Variants in MTHFD2L observed in about 807,000 individuals in gnomAD.
MTHFD2L encodes the protein methylenetetrahydrofolate dehydrogenase (NADP+ dependent) 2 like, also known as bifunctional methylenetetrahydrofolate dehydrogenase/cyclohydrolase 2, mitochondrial.
In MTHFD2L, 29 loss-of-function variants were observed where a neutral mutation model predicts 34.9. The ratio of observed to expected loss-of-function variants is 0.83; its 90% CI spans 0.62 to 1.13. The LOEUF (loss-of-function observed/expected upper bound fraction) is 1.13. Ranked by LOEUF, MTHFD2L falls within the 50% of genes most tolerant of loss-of-function variation. The pLI is 0.00. For synonymous variants in MTHFD2L, 167 were observed against 155.7 expected, an observed-to-expected ratio of 1.07 and a Z score of -0.54; for missense variants, 481 against 446.5, an observed-to-expected ratio of 1.08 and a Z score of -0.70.
chr4:74,126,326 A>G (rs918376208), intron 1 of MTHFD2L, among the ~76,000 whole-genome samples: 1 of 152,198 alleles, frequency 6.6e-6, no homozygotes, highest in Non-Finnish European at 1.5e-5. Flanking sequence ...ACTGAAATAT[A>G]TGTGAACTAT....
intron 1 of MTHFD2L, among the ~76,000 whole-genome samples, chr4:74,172,658 C>A (rs1216324239): frequency 1.3e-5 from 2 of 152,152 alleles, no homozygotes; most frequent in African/African-American, 4.8e-5. Flanking sequence ...CCAGGTTTTT[C>A]CCCTGCCCCC....
intron 1 of MTHFD2L, among the ~76,000 whole-genome samples, chr4:74,168,787 A>T (rs1727296406): frequency 6.6e-6 from 1 of 152,234 alleles, no homozygotes; most frequent in African/African-American, 2.4e-5. Flanking sequence ...AGATCAAGAC[A>T]AGCCGGAGAG....
Position 74,158,149 on chromosome 4 carries a change from C to A in MTHFD2L, c.11C>A (p.Pro4Gln), listed in dbSNP as rs1007261045. 2.0e-6 allele frequency: 3 copies of A among 1,530,144 alleles called. No homozygotes were observed. The highest frequency in any genetic ancestry group is 2.0e-5 in the Admixed American group (1 of 49,688). 94.8% of individuals were successfully genotyped at this position (1,530,144 alleles called of 1,614,324 possible). The part of the protein sequence containing the change: MTV[P>Q]VRGFSLLRGR... ...CGGGGATCCGCGGCCATGACGGTGC[C>A]GGTCCGCGGCTTCTCGCTGCTCCGC... The change falls in exon 1 of 8, where the codon CCG (proline) becomes CAG (glutamine). Residue 4 changes from proline (P) to glutamine (Q), a missense_variant. Coordinates refer to ENST00000325278, the MANE Select transcript of MTHFD2L (RefSeq NM_001144978.3).
upstream of MTHFD2L, among the ~76,000 whole-genome samples, chr4:74,153,420 A>G (rs768566630): frequency 6.6e-6 from 1 of 152,240 alleles, no homozygotes; most frequent in African/African-American, 2.4e-5. Context: ...CTTTAAAGCA[A>G]CTTCCAAAAT....
chr4:74,121,117 T>C (rs2109773890), upstream of MTHFD2L, among the ~76,000 whole-genome samples: 1 of 152,338 alleles, frequency 6.6e-6, no homozygotes, highest in South Asian at 2.1e-4. Context: ...AGCTAGTGCA[T>C]GATCACCTGT....
At chr4:74,245,066 G>A (rs917262676) in intron 6 of MTHFD2L, among the ~76,000 whole-genome samples, 1 of 151,766 alleles carries the variant, frequency 6.6e-6, no homozygotes, top group East Asian at 1.9e-4. Context: ...GTCGTGGCAG[G>A]CGCCTGTAGT....
chr4:74,193,066 T>G lies in MTHFD2L; in HGVS notation c.452-6728T>G, dbSNP rs112859664. ...TTCTTCTAAATTTTCACCTAGAAAC[T>G]ATATAATTTTAACTTTTATGTTTAG... On this transcript the variant is annotated intron_variant, in intron 3 of 7. Coordinates refer to ENST00000325278, the MANE Select transcript of MTHFD2L (RefSeq NM_001144978.3). Among the ~76,000 whole-genome samples, 1,493 of 152,296 alleles carry G rather than the reference T, an allele frequency of 9.8e-3. 21 individuals carry two copies. The highest frequency in any genetic ancestry group is 0.034 in the African/African-American group (1,419 of 41,558).
At chr4:74,139,858 G>A (rs746815002) in intron 1 of MTHFD2L, among the ~76,000 whole-genome samples, 1 of 151,854 alleles carries the variant, frequency 6.6e-6, no homozygotes, top group African/African-American at 2.4e-5. Context: ...AATGTTTGTT[G>A]TCATTTTTAG....
chr4:74,225,937 T>C (rs947211061), intron 6 of MTHFD2L, among the ~76,000 whole-genome samples: 2 of 152,102 alleles, frequency 1.3e-5, no homozygotes, highest in Admixed American at 6.6e-5. Flanking sequence ...ATATGAAATT[T>C]GGTCTGATGA....
At chr4:74,167,422 T>G (rs1324684704) in intron 1 of MTHFD2L, among the ~76,000 whole-genome samples, 1 of 152,064 alleles carries the variant, frequency 6.6e-6, no homozygotes, top group African/African-American at 2.4e-5. Flanking sequence ...AGAACAAAAT[T>G]AACAATAATT....
At chr4:74,253,043 G>A (rs948157734) in intron 6 of MTHFD2L, among the ~76,000 whole-genome samples, 4 of 152,140 alleles carry the variant, frequency 2.6e-5, no homozygotes, top group African/African-American at 9.7e-5. Flanking sequence ...TTAGATGTTA[G>A]AAGATGATAG....
chr4:74,241,675 G>A (rs914072807), intron 6 of MTHFD2L: 7 of 358,560 alleles, frequency 2.0e-5, no homozygotes, highest in African/African-American at 8.6e-5. Flanking sequence ...ACCACACCCG[G>A]CACTATATAA....
At chr4:74,119,640 G>C (rs575941412), upstream of MTHFD2L, among the ~76,000 whole-genome samples, 1 of 152,002 alleles carries the variant, frequency 6.6e-6, no homozygotes, top group Non-Finnish European at 1.5e-5. Context: ...AAAATTAGCC[G>C]GGCATGGTGG....
At chr4:74,252,458 A>T (rs1490874811) in intron 6 of MTHFD2L, among the ~76,000 whole-genome samples, 1 of 152,204 alleles carries the variant, frequency 6.6e-6, no homozygotes, top group Non-Finnish European at 1.5e-5. Context: ...AGTGCAAACA[A>T]AATGGATTTT....
At chr4:74,140,770 T>C (rs896033858) in intron 1 of MTHFD2L, among the ~76,000 whole-genome samples, 1 of 152,176 alleles carries the variant, frequency 6.6e-6, no homozygotes, top group Non-Finnish European at 1.5e-5. Flanking sequence ...GGAAGAAGAA[T>C]GAGTGCCCAG....
At chr4:74,270,873 T>C (rs1027525059) in intron 6 of MTHFD2L, among the ~76,000 whole-genome samples, 12 of 152,206 alleles carry the variant, frequency 7.9e-5, no homozygotes, top group African/African-American at 2.7e-4. Flanking sequence ...CTAACTGGTG[T>C]GAGATGGTAT....
chr4:74,224,636 CT>C (rs1738849236), intron 5 of MTHFD2L, among the ~76,000 whole-genome samples: 1 of 152,078 alleles, frequency 6.6e-6, no homozygotes, highest in Non-Finnish European at 1.5e-5. Context: ...CTCTCTTGTT[CT>C]TTCAACCCTC....
chr4:74,230,836 G>GC (rs1739932328), intron 6 of MTHFD2L, among the ~76,000 whole-genome samples: 1 of 152,106 alleles, frequency 6.6e-6, no homozygotes, highest in South Asian at 2.1e-4. Context: ...GAAACTGTAG[G>GC]CTATCCTAAG....
intron 1 of MTHFD2L, among the ~76,000 whole-genome samples, chr4:74,170,116 TC>T (rs750287478): frequency 2.6e-5 from 4 of 152,210 alleles, no homozygotes; most frequent in Non-Finnish European, 5.9e-5. Context: ...ATAGAATTCT[TC>T]CTAACTCATT....
Sources: allele counts gnomAD v4.1 joint callset (sites outside exome capture counted in the v4.1 genomes callset), GRCh38; gene constraint gnomAD v4.1.1; transcripts MANE v1.5; gene names NCBI Gene and HGNC (gene_info 2026-07-23, HGNC 2026-07-21).